Variants in SAMD8 observed in about 807,000 individuals in gnomAD.
SAMD8 encodes sphingomyelin synthase-related protein 1.
A neutral mutation model predicts 42.0 loss-of-function variants in SAMD8; 20 were observed. The ratio of observed to expected loss-of-function variants is 0.48; its 90% CI spans 0.34 to 0.69. The LOEUF is 0.69. Among genes scored for constraint, SAMD8 ranks in the 30% least tolerant of loss-of-function variants. The pLI, the probability that SAMD8 is intolerant of heterozygous loss-of-function variation, is 0.01. For synonymous variants in SAMD8, 162 were observed against 173.0 expected (o/e 0.94, Z 0.50); for missense variants, 328 against 511.6 (o/e 0.64, Z 3.46).
chr10:75,120,031 G>A (rs950924487), intron 1 of SAMD8, among the ~76,000 whole-genome samples: 1 of 152,166 alleles, frequency 6.6e-6, no homozygotes, highest in Non-Finnish European at 1.5e-5. Context: ...TTGTACCACT[G>A]CACTCCAGCC....
chr10:75,131,792 C>T (rs971598827), intron 1 of SAMD8, among the ~76,000 whole-genome samples: 1 of 152,130 alleles, frequency 6.6e-6, no homozygotes, highest in Non-Finnish European at 1.5e-5. Context: ...TGTCGAAATT[C>T]TTGGAGTTTA....
At chr10:75,141,401 A>G (rs1284343485) in intron 1 of SAMD8, among the ~76,000 whole-genome samples, 1 of 151,900 alleles carries the variant, frequency 6.6e-6, no homozygotes, top group Non-Finnish European at 1.5e-5. Flanking sequence ...GTTTGTCGAT[A>G]CTATATGTGG....
intron 4 of SAMD8, among the ~76,000 whole-genome samples, chr10:75,172,776 G>A (rs887739629): frequency 4.0e-5 from 6 of 151,894 alleles, no homozygotes; most frequent in African/African-American, 7.3e-5. Context: ...GATTACAGGC[G>A]TGAGCCACCG....
intron 4 of SAMD8, among the ~76,000 whole-genome samples, chr10:75,168,947 C>A (rs948872804): frequency 7.3e-5 from 10 of 137,424 alleles, no homozygotes; most frequent in African/African-American, 2.7e-4. Flanking sequence ...CCGAGGCGGG[C>A]GGATCATGAG....
chr10:75,117,306 C>T (rs1187171301), intron 1 of SAMD8, among the ~76,000 whole-genome samples: 1 of 151,666 alleles, frequency 6.6e-6, no homozygotes, highest in African/African-American at 2.4e-5. Context: ...ACCTATAGTC[C>T]CAGAACTCAG....
chr10:75,143,762 G>A (rs1231219886), intron 1 of SAMD8, among the ~76,000 whole-genome samples: 2 of 151,788 alleles, frequency 1.3e-5, no homozygotes, highest in East Asian at 3.9e-4. Context: ...TCTTATTTTT[G>A]GAGTTTGTTA....
At position 75,176,443 on chromosome 10, in the gene SAMD8, T is replaced by C; in HGVS notation, c.999T>C (p.Phe333=). The C allele has an allele frequency of 6.4e-7, 1 of 1,551,534 alleles. No homozygotes were observed. Among genetic ancestry groups the C allele is most frequent in the South Asian group, 1.2e-5 (1 of 84,072 alleles). ...LHTLSWVLNL[F]GIFFILAAHE... is the part of the protein sequence containing the mutation. ...CTTTATCCTGGGTTCTCAACCTCTT[T>C]GGAATCTTCTTCATCTTGGCTGCCC... The change falls in exon 6 of 6, where the codon TTT becomes TTC. Residue 333 remains phenylalanine, a synonymous_variant. Transcript: ENST00000542569. This position sits in a 1 kb window ranked among gnomAD's most constrained non-coding sequence, Gnocchi z 4.3.
chr10:75,117,599 C>T (rs1033162110), intron 1 of SAMD8, among the ~76,000 whole-genome samples: 12 of 152,214 alleles, frequency 7.9e-5, no homozygotes, highest in African/African-American at 2.9e-4. Context: ...TACCTGTAAT[C>T]CCAGCTGCTT....
Position 75,176,223 on chromosome 10 carries a change from A to G in SAMD8, c.943+7A>G. 1.9e-6 allele frequency: 3 copies of G among 1,614,208 alleles called. No individual in the cohort carries two copies. Among genetic ancestry groups the G allele is most frequent in the Non-Finnish European group, 2.5e-6 (3 of 1,180,024 alleles). On this transcript the variant is annotated splice_region_variant and intron_variant, in intron 5 of 5. Transcript: ENST00000542569. The surrounding 1 kb of genome is among the most constrained non-coding windows in gnomAD (Gnocchi z 4.3). ...AATTTCTTTGTCACCGAATGTAAGT[A>G]TCTTTTTAGTGCTTCTATGCGTATT... is the stretch of plus-strand genomic sequence containing the variant.
intron 2 of SAMD8, among the ~76,000 whole-genome samples, chr10:75,158,702 A>G (rs930644388): frequency 6.6e-6 from 1 of 152,190 alleles, no homozygotes; most frequent in Non-Finnish European, 1.5e-5. Flanking sequence ...GAAGAAACTC[A>G]TACCCATTAG....
chr10:75,138,094 T>TATCTCATGAGC (rs554118246), intron 1 of SAMD8, among the ~76,000 whole-genome samples: 68 of 152,254 alleles, frequency 4.5e-4, no homozygotes, highest in African/African-American at 1.5e-3. Flanking sequence ...CTGTTTTCCA[T>TATCTCATGAGC]ATCTCATGAG....
chr10:75,138,981 A>G (rs895753054), intron 1 of SAMD8, among the ~76,000 whole-genome samples: 3 of 138,002 alleles, frequency 2.2e-5, no homozygotes, highest in African/African-American at 8.2e-5. Context: ...TTTTTTTGAG[A>G]CGGAGTTTCG....
intron 1 of SAMD8, among the ~76,000 whole-genome samples, chr10:75,149,345 C>A (rs908847644): frequency 1.8e-4 from 28 of 152,068 alleles, no homozygotes; most frequent in Admixed American, 1.6e-3. Flanking sequence ...AAACATAGCA[C>A]CTTATTGGCC....
intron 1 of SAMD8, among the ~76,000 whole-genome samples, chr10:75,145,707 C>T (rs906835441): frequency 3.3e-5 from 5 of 152,168 alleles, no homozygotes; most frequent in African/African-American, 1.2e-4. Flanking sequence ...TGTTTAACAT[C>T]ATTCCCCCCC....
chr10:75,138,517 T>A (rs1468108535), intron 1 of SAMD8, among the ~76,000 whole-genome samples: 1 of 152,210 alleles, frequency 6.6e-6, no homozygotes, highest in Non-Finnish European at 1.5e-5. Flanking sequence ...CATTAAAGAC[T>A]CATTGACTAA....
intron 1 of SAMD8, among the ~76,000 whole-genome samples, chr10:75,119,850 G>C (rs2134423717): frequency 6.6e-6 from 1 of 152,308 alleles, no homozygotes; most frequent in East Asian, 1.9e-4. Context: ...CGGATTGCCT[G>C]AGGTCAGGAG....
chr10:75,113,050 G>A (rs1774405078), intron 1 of SAMD8, among the ~76,000 whole-genome samples: 2 of 152,186 alleles, frequency 1.3e-5, no homozygotes, highest in African/African-American at 4.8e-5. Context: ...CAGGTATTGT[G>A]TGAATAGTAT....
chr10:75,107,829 G>A (rs571909108), upstream of SAMD8, among the ~76,000 whole-genome samples: 42 of 152,190 alleles, frequency 2.8e-4, no homozygotes, highest in African/African-American at 8.7e-4. Context: ...CACCCACCTC[G>A]GCCTCCCAAA....
At chr10:75,122,480 G>C (rs1392135194) in intron 1 of SAMD8, among the ~76,000 whole-genome samples, 1 of 151,994 alleles carries the variant, frequency 6.6e-6, no homozygotes, top group African/African-American at 2.4e-5. Context: ...TGAGCGTGGT[G>C]GGGGCACCAG....
Sources: allele counts gnomAD v4.1 joint callset (sites outside exome capture counted in the v4.1 genomes callset), GRCh38; gene constraint gnomAD v4.1.1; non-coding constraint Gnocchi (gnomAD v3.1); transcripts MANE v1.5; gene names NCBI Gene and HGNC (gene_info 2026-07-23, HGNC 2026-07-21).